Variants in LOC400499 observed in about 807,000 individuals in gnomAD.
the LOC400499 span, among the ~76,000 whole-genome samples, chr16:11,437,723 T>C: frequency 1.6e-4 from 24 of 151,948 alleles, no homozygotes; most frequent in African/African-American, 5.6e-4. Flanking sequence ...CAAAAAATTA[T>C]CTGGGTGTGG....
the LOC400499 span, chr16:11,493,727 C>A: frequency 2.5e-6 from 1 of 396,470 alleles, no homozygotes; most frequent in Non-Finnish European, 4.4e-6. Flanking sequence ...GATGCACAGG[C>A]ACTCAACGTA....
At chr16:11,389,962 C>T in the LOC400499 span, 8 of 463,502 alleles carry the variant, frequency 1.7e-5, no homozygotes, top group Non-Finnish European at 2.8e-5. Flanking sequence ...AGCCCAGCTT[C>T]CTCATCTGTA....
At chr16:11,511,053 G>A in the LOC400499 span, among the ~76,000 whole-genome samples, 2 of 149,088 alleles carry the variant, frequency 1.3e-5, no homozygotes, top group East Asian at 3.9e-4. Context: ...CTGGAGTGCA[G>A]TGACGCGATC....
chr16:11,500,828 T>C, the LOC400499 span: 13 of 398,920 alleles, frequency 3.3e-5, no homozygotes, highest in Non-Finnish European at 5.3e-5. Flanking sequence ...CCATAGCATC[T>C]GTGGGCTGTG....
the LOC400499 span, among the ~76,000 whole-genome samples, chr16:11,465,823 G>A: frequency 7.0e-6 from 1 of 143,554 alleles, no homozygotes; most frequent in African/African-American, 2.6e-5. Flanking sequence ...GAAGACATGG[G>A]GGAAAGTGGG....
the LOC400499 span, chr16:11,384,277 T>TCATTGCCTG: frequency 8.1e-7 from 1 of 1,232,368 alleles, no homozygotes; most frequent in Non-Finnish European, 1.0e-6. Flanking sequence ...CAACATCAGC[T>TCATTGCCTG]CATTGCCTGC....
At chr16:11,478,468 C>T in the LOC400499 span, 1 of 398,652 alleles carries the variant, frequency 2.5e-6, no homozygotes, top group Non-Finnish European at 4.4e-6. Flanking sequence ...AATTTCATGC[C>T]CTTAAGTGCT....
the LOC400499 span, chr16:11,381,088 C>G: frequency 6.6e-6 from 1 of 152,158 alleles, no homozygotes; most frequent in Non-Finnish European, 1.5e-5. Flanking sequence ...AAATCACAGC[C>G]TGGCCATTTG....
At chr16:11,454,918 A>AG in the LOC400499 span, among the ~76,000 whole-genome samples, 1 of 152,216 alleles carries the variant, frequency 6.6e-6, no homozygotes, top group African/African-American at 2.4e-5. Context: ...GCAGAACCAC[A>AG]GCTGTGCAAC....
At chr16:11,384,086 C>T in the LOC400499 span, 2 of 1,230,556 alleles carry the variant, frequency 1.6e-6, no homozygotes, top group Non-Finnish European at 2.0e-6. Context: ...CAGCAGGAGA[C>T]TTCCCCCAAA....
At chr16:11,518,881 CCATG>C in the LOC400499 span, 1 of 399,126 alleles carries the variant, frequency 2.5e-6, no homozygotes, top group Non-Finnish European at 4.4e-6. Context: ...GGTCCCAGCC[CCATG>C]GCCAAGTGTC....
At chr16:11,483,922 T>C in the LOC400499 span, among the ~76,000 whole-genome samples, 1 of 148,480 alleles carries the variant, frequency 6.7e-6, no homozygotes, top group South Asian at 2.1e-4. Flanking sequence ...TTCTAGAATA[T>C]GCAAAGAAGT....
At chr16:11,454,046 T>C in the LOC400499 span, among the ~76,000 whole-genome samples, 2 of 152,194 alleles carry the variant, frequency 1.3e-5, no homozygotes, top group African/African-American at 4.8e-5. Flanking sequence ...AGGTACCTCA[T>C]AATGAGATTT....
the LOC400499 span, among the ~76,000 whole-genome samples, chr16:11,504,559 C>T: frequency 3.2e-4 from 45 of 140,670 alleles, no homozygotes; most frequent in Middle Eastern, 3.5e-3. Flanking sequence ...CCGTCCCCCC[C>T]CCCAAAAAAA....
chr16:11,449,299 G>T, the LOC400499 span, among the ~76,000 whole-genome samples: 1 of 152,126 alleles, frequency 6.6e-6, no homozygotes, highest in Non-Finnish European at 1.5e-5. Flanking sequence ...GAAACAAGAA[G>T]AAAAACTCCT....
At chr16:11,461,381 G>A in the LOC400499 span, among the ~76,000 whole-genome samples, 38 of 152,208 alleles carry the variant, frequency 2.5e-4, no homozygotes, top group African/African-American at 8.7e-4. Context: ...CACCACACTT[G>A]GCTAATTTTT....
chr16:11,478,066 A>G, the LOC400499 span: 1 of 394,774 alleles, frequency 2.5e-6, no homozygotes, highest in Non-Finnish European at 4.5e-6. Flanking sequence ...TAATCCCAGC[A>G]CTTTGGGAGG....
At chr16:11,504,365 G>C in the LOC400499 span, among the ~76,000 whole-genome samples, 2 of 152,120 alleles carry the variant, frequency 1.3e-5, no homozygotes, top group East Asian at 3.9e-4. Flanking sequence ...AGACCAGCAT[G>C]GCCAACATGG....
chr16:11,460,972 C>A, the LOC400499 span: 2 of 1,534,308 alleles, frequency 1.3e-6, no homozygotes, highest in South Asian at 2.4e-5. Flanking sequence ...ACCCAGGAGG[C>A]TGTACTGGAT....
Sources: gnomAD v4.1 joint callset for allele counts (sites outside exome capture counted in the v4.1 genomes callset) on GRCh38, gnomAD v4.1.1 for gene constraint, MANE v1.5 for transcripts.